The following LTA4H variants were observed in gnomAD, a reference collection of about 807,000 sequenced individuals.
LTA4H encodes the protein leukotriene A4 hydrolase.
In LTA4H, 59 loss-of-function variants were observed where a neutral mutation model predicts 89.8. The observed-to-expected ratio is 0.66, with a 90% CI of 0.53 to 0.82. The LOEUF is 0.82. LTA4H is among the 40% of genes least tolerant of loss of function. LTA4H has a pLI of 0.00. For synonymous variants in LTA4H, 227 were observed against 253.1 expected, an observed-to-expected ratio of 0.90 and a Z score of 0.98; for missense variants, 617 against 727.0, an observed-to-expected ratio of 0.85 and a Z score of 1.74.
upstream of LTA4H, among the ~76,000 whole-genome samples, chr12:96,037,913 A>G (rs972492737): frequency 6.6e-6 from 1 of 152,108 alleles, no homozygotes; most frequent in African/African-American, 2.4e-5. Context: ...GATGGTCTGC[A>G]TCTCCTGACC....
chr12:96,016,079 C>T (rs1279278006), intron 10 of LTA4H, among the ~76,000 whole-genome samples: 2 of 151,954 alleles, frequency 1.3e-5, no homozygotes, highest in Non-Finnish European at 1.5e-5. Flanking sequence ...TTTGGGAGGC[C>T]GAGGCGGGAG....
chr12:96,003,996 A>G, intron 16 of LTA4H, 76 bp from the exon 17 acceptor site: 2 of 714,932 alleles, frequency 2.8e-6, no homozygotes, highest in Non-Finnish European at 4.6e-6. Flanking sequence ...AGAGAAATGC[A>G]TAGCCAGATT....
rs765492540 is a variant in LTA4H, at chr12:96,000,958, G to T, written c.*31C>A. The T allele has an allele frequency of 2.5e-5, 35 of 1,374,666 alleles. No individual in the cohort carries two copies. In the African/African-American group the frequency reaches 3.3e-4, roughly 13 times the overall value. The allele number at this position is 1,374,666 out of a possible 1,614,324, so 85.2% of individuals were successfully genotyped here. On this transcript the variant is annotated 3_prime_UTR_variant, in exon 19 of 19. Coordinates refer to ENST00000228740, the MANE Select transcript of LTA4H (RefSeq NM_000895.3). ...CTTTACGAATTCCATTTAAAAAAGA[G>T]AAATCTCTAAAATCATCAATACGCA...
chr12:96,033,325 T>C (rs1332971880), intron 1 of LTA4H, among the ~76,000 whole-genome samples: 1 of 152,188 alleles, frequency 6.6e-6, no homozygotes, highest in East Asian at 1.9e-4. Context: ...CTTAAACCAA[T>C]TGGAATATTT....
At chr12:96,019,655 G>A (rs1473969790) in intron 6 of LTA4H, among the ~76,000 whole-genome samples, 3 of 140,932 alleles carry the variant, frequency 2.1e-5, no homozygotes, top group Admixed American at 7.5e-5. Flanking sequence ...GCAGTGGCAC[G>A]ATCTTGGCTC....
chr12:96,016,924 C>T, intron 10 of LTA4H, 120 bp downstream of exon 10: 1 of 727,166 alleles, frequency 1.4e-6, no homozygotes, highest in South Asian at 1.6e-5. Context: ...TCCTTGCCTA[C>T]CTAAGAGATG....
chr12:96,037,691 G>GTTT (rs1566021031), upstream of LTA4H, among the ~76,000 whole-genome samples: 1 of 136,582 alleles, frequency 7.3e-6, no homozygotes, highest in African/African-American at 2.7e-5. Context: ...CATTGAGAAA[G>GTTT]CTTTTTTTTT....
upstream of LTA4H, among the ~76,000 whole-genome samples, chr12:96,037,862 G>C (rs1455148946): frequency 1.3e-5 from 2 of 151,848 alleles, no homozygotes; most frequent in African/African-American, 4.8e-5. Flanking sequence ...TTTTTTGTGT[G>C]TGTATTTTTA....
At chr12:96,001,757 AGGTAGG>A in intron 18 of LTA4H, among the ~76,000 whole-genome samples, 1 of 152,178 alleles carries the variant, frequency 6.6e-6, no homozygotes, top group South Asian at 2.1e-4. Flanking sequence ...ACCATACAAA[AGGTAGG>A]ATTAGTCATT....
rs890099196 is a variant in LTA4H, at chr12:96,022,941, G to T, written c.481-690C>A. ...CAAATAGAGGAACATTTTAAAAGTA[G>T]TAACTGTGAAAAACTAAAATTTATT... is the stretch of plus-strand genomic sequence containing the variant. On this transcript the variant is annotated intron_variant, in intron 4 of 18. Transcript: ENST00000228740. This position sits in a 1 kb window ranked among gnomAD's most constrained non-coding sequence, Gnocchi z 4.0. Among the ~76,000 whole-genome samples, 7 of 152,196 alleles carry T rather than the reference G, an allele frequency of 4.6e-5. No homozygotes were observed. The highest frequency in any genetic ancestry group is 1.7e-4 in the African/African-American group (7 of 41,440).
Position 96,024,369 on chromosome 12 carries a change from T to TC in LTA4H, c.480+109_480+110insG, listed in dbSNP as rs1950488425. The TC allele has an allele frequency of 2.9e-5, 18 of 611,838 alleles. 1 individual carries two copies. The South Asian group carries it at 4.2e-4, about 14-fold the overall frequency. 37.9% of individuals were successfully genotyped at this position (611,838 alleles called of 1,614,324 possible). A position where few individuals can be genotyped will look rare whatever the true frequency, so the allele number is the denominator to read the frequency against. On this transcript the variant is annotated intron_variant, in intron 4 of 18. Transcript: ENST00000228740. ...TTACATATTTCAGGTAGAATTTCAT[T>TC]AAGAAAAATAATTCTAGCTCTAGGA... is the stretch of plus-strand genomic sequence containing the variant.
Position 96,035,432 on chromosome 12 carries a change from A to C in LTA4H, c.88T>G (p.Phe30Val). ...KHLHLRCSVDFTRRTLTGTAA... is the reference protein window; with the variant it reads ...KHLHLRCSVDVTRRTLTGTAA... ...GTCCCGGTCAGCGTCCGGCGAGTAAAGTCGACGCTGCAGCGCAGGTGCAGG... is the reference window on the plus strand; with the variant it reads ...GTCCCGGTCAGCGTCCGGCGAGTAACGTCGACGCTGCAGCGCAGGTGCAGG... The change falls in exon 1 of 19, where the codon TTT becomes GTT. Residue 30 changes from phenylalanine to valine, a missense_variant. Physicochemically the swap from Phe to Val is conservative, Grantham distance 50 (BLOSUM62 -1). This residue lies in a region of LTA4H where 155 missense variants were observed against 143.3 expected (regional missense o/e 1.08). Transcript: ENST00000228740. The C allele has an allele frequency of 6.2e-7, 1 of 1,610,684 alleles. No homozygotes were observed. The highest frequency in any genetic ancestry group is 1.1e-5 in the South Asian group (1 of 90,306).
chr12:96,014,045 T>C, intron 12 of LTA4H, 192 bp from the exon 13 acceptor site: 1 of 465,206 alleles, frequency 2.1e-6, no homozygotes, highest in Non-Finnish European at 3.8e-6. Context: ...TTGAAGAATA[T>C]ATGTAATTCA....
In LTA4H at chr12:96,002,984, A is replaced by C; in HGVS notation, c.1694T>G (p.Met565Arg). Residue 565 changes from methionine to arginine, a missense_variant, in exon 18 of 19, where the codon ATG becomes AGG. By Grantham distance (91) the Met-to-Arg change is moderately conservative. Around this residue, in one of 3 missense-constraint regions of LTA4H, gnomAD observed 290 missense variants for 339.1 expected, o/e 0.86. Coordinates refer to ENST00000228740, the MANE Select transcript of LTA4H (RefSeq NM_000895.3). ...ALKMATEQGR[M>R]KFTRPLFKDL... ...CTTGAATAAGGGCCGGGTAAACTTC[A>C]TTCTTCCTTGTTCAGTTGCCATCTT... 1 of 1,603,148 alleles carries C rather than the reference A, an allele frequency of 6.2e-7. No individual in the cohort carries two copies. Among genetic ancestry groups the C allele is most frequent in the Non-Finnish European group, 8.5e-7 (1 of 1,174,198 alleles).
chr12:96,015,445 T>C (rs755766736), intron 11 of LTA4H, 138 bp downstream of exon 11: 2 of 647,514 alleles, frequency 3.1e-6, no homozygotes, highest in Non-Finnish European at 5.5e-6. Context: ...CACAGTGTTA[T>C]ACCAGCATTG....
upstream of LTA4H, among the ~76,000 whole-genome samples, chr12:96,040,458 A>G (rs1194158338): frequency 6.6e-6 from 1 of 152,244 alleles, no homozygotes; most frequent in Non-Finnish European, 1.5e-5. Context: ...CAGTTAGGCC[A>G]TACCATTAAG....
At chr12:96,020,969 T>C in intron 6 of LTA4H, 116 bp downstream of exon 6, 1 of 767,230 alleles carries the variant, frequency 1.3e-6, no homozygotes, top group Non-Finnish European at 2.2e-6. Context: ...TTTCTAGAGC[T>C]GTCAGCTTGA....
upstream of LTA4H, among the ~76,000 whole-genome samples, chr12:96,038,240 A>G (rs1208435799): frequency 1.3e-5 from 2 of 152,292 alleles, no homozygotes; most frequent in South Asian, 2.1e-4. Flanking sequence ...ACAACAAAAA[A>G]CTGCTATATT....
intron 6 of LTA4H, 118 bp from the exon 7 acceptor site, chr12:96,019,358 C>A: frequency 2.5e-6 from 2 of 806,410 alleles, no homozygotes; most frequent in South Asian, 3.4e-5. Context: ...TTACCATGTG[C>A]CTATGGGAAA....
Sources: gnomAD v4.1 joint callset for allele counts (sites outside exome capture counted in the v4.1 genomes callset) on GRCh38, gnomAD v4.1.1 for gene constraint, gnomAD v4.1.1 regional missense constraint, Gnocchi (gnomAD v3.1) non-coding constraint, MANE v1.5 for transcripts, NCBI Gene and HGNC (gene_info 2026-07-23, HGNC 2026-07-21) for gene names.